Variants in NRG1 observed in about 807,000 individuals in gnomAD.
NRG1 encodes pro-neuregulin-1, membrane-bound isoform.
A neutral mutation model predicts 63.8 loss-of-function variants in NRG1; 18 were observed. That is an observed-to-expected ratio of 0.28 (90% CI 0.19 to 0.42). The LOEUF (loss-of-function observed/expected upper bound fraction) is 0.42. NRG1 is among the 10% of genes least tolerant of loss of function. The probability of loss-of-function intolerance (pLI) is 1.00; values close to 1 mark genes in which losing one functional copy is unlikely to be tolerated. For synonymous variants in NRG1, 302 were observed against 301.3 expected, an observed-to-expected ratio of 1.00 and a Z score of -0.02; for missense variants, 762 against 814.7, an observed-to-expected ratio of 0.94 and a Z score of 0.79.
chr8:31,776,302 G>T (rs1450073297), intron 1 of NRG1, among the ~76,000 whole-genome samples: 3 of 152,166 alleles, frequency 2.0e-5, no homozygotes, highest in Non-Finnish European at 1.5e-5. Flanking sequence ...CCCAGCAGGG[G>T]CTCTTGTCTG....
At chr8:32,117,830 A>G (rs1364888170) in intron 1 of NRG1, among the ~76,000 whole-genome samples, 1 of 152,134 alleles carries the variant, frequency 6.6e-6, no homozygotes, top group Non-Finnish European at 1.5e-5. Flanking sequence ...GTGTATCCAC[A>G]GATTACTATC....
At chr8:32,365,489 T>C (rs1026249609) in intron 1 of NRG1, among the ~76,000 whole-genome samples, 3 of 152,194 alleles carry the variant, frequency 2.0e-5, no homozygotes, top group African/African-American at 7.2e-5. Flanking sequence ...TGAATTCCTA[T>C]ACTTTTATGG....
rs1318270179 is a variant in NRG1, at chr8:32,764,203, G to A, written c.1715G>A (p.Ser572Asn). 6 of 1,614,008 alleles carry A rather than the reference G, an allele frequency of 3.7e-6. No homozygotes were observed. In the African/African-American group the frequency reaches 6.7e-5, roughly 18 times the overall value. The change falls in exon 12 of 12, where the codon AGT (serine) becomes AAT (asparagine). Residue 572 changes from serine (S) to asparagine (N), a missense_variant. Physicochemically the swap from Ser to Asn is conservative, Grantham distance 46. Coordinates refer to ENST00000356819, the Ensembl canonical transcript of NRG1. ...AGCTCCCAGAGCAGTAACTCAGAGA[G>A]TGAAACAGAAGATGAAAGAGTAGGT...
At chr8:31,781,560 G>A (rs1819689228) in intron 1 of NRG1, among the ~76,000 whole-genome samples, 2 of 152,148 alleles carry the variant, frequency 1.3e-5, no homozygotes, top group African/African-American at 4.8e-5. Flanking sequence ...TGCTGTCTGG[G>A]ATGACAGCAC....
chr8:32,388,545 T>C (rs573405062), intron 1 of NRG1, among the ~76,000 whole-genome samples: 40 of 152,262 alleles, frequency 2.6e-4, no homozygotes, highest in African/African-American at 8.2e-4. Flanking sequence ...CAGAGTGTAG[T>C]TGCCGCCTCA....
At chr8:32,000,515 C>T (rs1315044385) in intron 1 of NRG1, among the ~76,000 whole-genome samples, 1 of 151,958 alleles carries the variant, frequency 6.6e-6, no homozygotes, top group Non-Finnish European at 1.5e-5. Flanking sequence ...AATCCTCCCA[C>T]CTCAGCCCCC....
At chr8:31,664,663 G>A (rs904791916) in intron 1 of NRG1, among the ~76,000 whole-genome samples, 2 of 152,132 alleles carry the variant, frequency 1.3e-5, no homozygotes, top group East Asian at 3.8e-4. Flanking sequence ...TGCACCAAGG[G>A]GCAAGACCTG....
At chr8:32,242,209 C>G (rs2129469738) in intron 1 of NRG1, among the ~76,000 whole-genome samples, 1 of 152,306 alleles carries the variant, frequency 6.6e-6, no homozygotes, top group South Asian at 2.1e-4. Context: ...GGCACAATGG[C>G]TCATGCCTGT....
intron 5 of NRG1, among the ~76,000 whole-genome samples, chr8:32,693,305 G>T (rs566166981): frequency 6.7e-6 from 1 of 149,212 alleles, no homozygotes; most frequent in Admixed American, 6.8e-5. Flanking sequence ...TGCAACCTCC[G>T]CCTTCTGGGT....
At chr8:32,229,029 G>T (rs1475108531) in intron 1 of NRG1, among the ~76,000 whole-genome samples, 2 of 152,236 alleles carry the variant, frequency 1.3e-5, no homozygotes, top group Admixed American at 1.3e-4. Context: ...CTCAAAGCAG[G>T]CCTGTGCCAA....
rs187182959 is a variant in NRG1 at position 31,973,565 on chromosome 8, G to T, written c.37+334134G>T. 2.1e-3 allele frequency among the ~76,000 whole-genome samples: 323 copies of T among 152,284 alleles called. 1 individual carries two copies. Among genetic ancestry groups the T allele is most frequent in the African/African-American group, 7.4e-3 (308 of 41,568 alleles). Reference sequence around the variant, plus strand: ...ATTCAAAGTCATGCAGCCAGTTGATGCCATGTCTCAAATCAAAATCTAGCT... The same window carrying T: ...ATTCAAAGTCATGCAGCCAGTTGATTCCATGTCTCAAATCAAAATCTAGCT... On this transcript the variant is annotated intron_variant, in intron 1 of 10. Transcript: ENST00000519301.
At position 32,160,494 on chromosome 8, in the gene NRG1, G is replaced by A. The variant is rs550428257; in HGVS notation, c.38-435334G>A. ...CAAGGTCACTACAGTAGTTATTGTG[G>A]GCCTGGGGTTTGAATTCAGCCTAAC... is the stretch of plus-strand genomic sequence containing the variant. On this transcript the variant is annotated intron_variant, in intron 1 of 10. Transcript: ENST00000519301. Among the ~76,000 whole-genome samples the A allele has an allele frequency of 6.6e-5, 10 of 152,254 alleles. No individual in the cohort carries two copies. In the South Asian group the frequency reaches 1.9e-3, roughly 28 times the overall value.
chr8:31,655,052 T>C (rs545492630), intron 1 of NRG1, among the ~76,000 whole-genome samples: 1 of 152,306 alleles, frequency 6.6e-6, no homozygotes, highest in East Asian at 1.9e-4. Context: ...ATGGGAGAAA[T>C]TATTATAGTT....
chr8:32,083,648 C>G (rs1247915968), intron 1 of NRG1, among the ~76,000 whole-genome samples: 1 of 152,086 alleles, frequency 6.6e-6, no homozygotes, highest in Non-Finnish European at 1.5e-5. Flanking sequence ...GGATAATGAG[C>G]TATCTGCATG....
rs185563359 is a variant in NRG1 at position 32,355,528 on chromosome 8, C to T, written c.38-240300C>T. Among the ~76,000 whole-genome samples, 258 of 152,100 alleles carry T rather than the reference C, an allele frequency of 1.7e-3. 1 individual carries two copies. Among genetic ancestry groups the T allele is most frequent in the Non-Finnish European group, 2.6e-3 (180 of 67,980 alleles). On this transcript the variant is annotated intron_variant, in intron 1 of 10. Transcript: ENST00000519301. ...CAAATATAAAAGAAAAGGATATATC[C>T]TTGCTATATAAAAAGGTCCTATGAA... is the stretch of plus-strand genomic sequence containing the variant.
intron 1 of NRG1, among the ~76,000 whole-genome samples, chr8:32,050,838 G>A (rs550601520): frequency 9.8e-5 from 15 of 152,290 alleles, no homozygotes; most frequent in African/African-American, 3.6e-4. Context: ...CAGAGGCTGA[G>A]ATAGCCATCA....
chr8:32,222,365 G>A (rs965397801), intron 1 of NRG1, among the ~76,000 whole-genome samples: 4 of 151,992 alleles, frequency 2.6e-5, no homozygotes, highest in African/African-American at 4.8e-5. Context: ...ACACCAGGAA[G>A]AGTTATTGTA....
At chr8:31,949,368 A>G (rs529887802) in intron 1 of NRG1, among the ~76,000 whole-genome samples, 4 of 152,118 alleles carry the variant, frequency 2.6e-5, no homozygotes, top group Non-Finnish European at 4.4e-5. Context: ...TGCCTTTATC[A>G]TCTCTACTTC....
chr8:32,716,803 T>G (rs1380626570), intron 5 of NRG1, among the ~76,000 whole-genome samples: 1 of 115,998 alleles, frequency 8.6e-6, no homozygotes, highest in Non-Finnish European at 1.8e-5. Flanking sequence ...CGTGTGTGCA[T>G]GTGTGTGTGT....
Sources: gnomAD v4.1 joint callset for allele counts (sites outside exome capture counted in the v4.1 genomes callset) on GRCh38, gnomAD v4.1.1 for gene constraint, MANE v1.5 for transcripts, NCBI Gene and HGNC (gene_info 2026-07-23, HGNC 2026-07-21) for gene names.